PCDH11X: variants seen among roughly 807,000 people sequenced by gnomAD.
The protein encoded by PCDH11X is protocadherin 11 X-linked, also known as protocadherin-11 X-linked.
In PCDH11X, 18 loss-of-function variants were observed where a neutral mutation model predicts 53.3. That is an observed-to-expected ratio of 0.34 (90% CI 0.23 to 0.50). The LOEUF (loss-of-function observed/expected upper bound fraction) is 0.50. Among genes scored for constraint, PCDH11X ranks in the 20% least tolerant of loss-of-function variants. The pLI is 0.98. For synonymous variants in PCDH11X, 279 were observed against 393.3 expected (o/e 0.71, Z 3.44); for missense variants, 570 against 1,032.4 (o/e 0.55, Z 6.14).
intron 8 of PCDH11X, 163 bp from the exon 9 acceptor site, chrX:92,387,572 A>T: frequency 1.4e-5 from 9 of 643,234 alleles, no homozygotes; most frequent in Non-Finnish European, 1.7e-5. Flanking sequence ...GAAGGTTTGA[A>T]CACAGAATTG....
chrX:91,879,610 A>C lies in PCDH11X; in HGVS notation c.3033+337A>C, dbSNP rs1014303356. On this transcript the variant is annotated intron_variant, in intron 6 of 10. Transcript: ENST00000682573. ...CCTCAGTACCATTGTGTGCATGAGG[A>C]TCAGAATAGTCTGGGCTAGATACAT... is the stretch of plus-strand genomic sequence containing the variant. 3 of 999,079 alleles carry C rather than the reference A, an allele frequency of 3.0e-6. No individual in the cohort carries two copies. The African/African-American group carries it at 6.0e-5, about 20-fold the overall frequency. 82.3% of individuals were successfully genotyped at this position (999,079 alleles called of 1,213,427 possible).
intron 8 of PCDH11X, among the ~76,000 whole-genome samples, chrX:92,352,293 T>A (rs188621649): frequency 8.9e-6 from 1 of 111,907 alleles, no homozygotes; most frequent in Admixed American, 9.5e-5. Context: ...AGAAAACTGA[T>A]GTCAACTTAG....
At chrX:92,098,873 C>T (rs1053303297) in intron 6 of PCDH11X, among the ~76,000 whole-genome samples, 8 of 110,379 alleles carry the variant, frequency 7.2e-5, no homozygotes, top group African/African-American at 2.6e-4. Flanking sequence ...TCTCGAACTC[C>T]CAACCTCAGG....
intron 10 of PCDH11X, among the ~76,000 whole-genome samples, chrX:92,555,324 T>C (rs749848314): frequency 2.3e-4 from 26 of 112,159 alleles, no homozygotes; most frequent in African/African-American, 8.4e-4. Flanking sequence ...TCAGTACTTC[T>C]TTTAAATATG....
intron 6 of PCDH11X, among the ~76,000 whole-genome samples, chrX:91,924,869 A>AT (rs1207885756): frequency 2.7e-5 from 3 of 110,984 alleles, no homozygotes; most frequent in Admixed American, 9.7e-5. Flanking sequence ...TGCTGGAAAT[A>AT]TTTTTTTTAA....
At chrX:92,335,181 C>T (rs1036613918) in intron 8 of PCDH11X, among the ~76,000 whole-genome samples, 32 of 95,122 alleles carry the variant, frequency 3.4e-4, no homozygotes, top group South Asian at 1.2e-3. Context: ...TGCATGGAAC[C>T]ACCTTGAATC....
chrX:91,935,193 A>T (rs1214745996), intron 6 of PCDH11X, among the ~76,000 whole-genome samples: 2 of 109,691 alleles, frequency 1.8e-5, no homozygotes, highest in Non-Finnish European at 3.8e-5. Context: ...TTCAAGTTTT[A>T]AAAAAAGCAT....
chrX:91,791,476 A>T (rs1935533937), intron 1 of PCDH11X, among the ~76,000 whole-genome samples: 1 of 107,180 alleles, frequency 9.3e-6, no homozygotes, highest in African/African-American at 3.4e-5. Context: ...GTGAGAACTC[A>T]CTCACTATCA....
intron 8 of PCDH11X, among the ~76,000 whole-genome samples, chrX:92,352,659 C>A: frequency 9.0e-6 from 1 of 110,540 alleles, no homozygotes. Context: ...TGTTCAGATT[C>A]TTTTGCCTCC....
chrX:92,189,596 G>A (rs1336832454), intron 6 of PCDH11X, among the ~76,000 whole-genome samples: 1 of 111,662 alleles, frequency 9.0e-6, no homozygotes, highest in East Asian at 2.8e-4. Flanking sequence ...GGGATTGCTG[G>A]AGCAAATGGT....
Position 91,903,656 on chromosome X carries a change from CGTGT to C in PCDH11X, c.3033+24413_3033+24416del, listed in dbSNP as rs61017416. Reference sequence around the variant, plus strand: ...GACTCAGCTCAGGTTCCTCTATGTGCGTGTGTGTGTGTGTGTGTGTGTGTGTGTG... The same window carrying C: ...GACTCAGCTCAGGTTCCTCTATGTGCGTGTGTGTGTGTGTGTGTGTGTGTG... On this transcript the variant is annotated intron_variant, in intron 6 of 10. Transcript: ENST00000682573. Among the ~76,000 whole-genome samples, 167 of 93,897 alleles carry C rather than the reference CGTGT, an allele frequency of 1.8e-3. 1 individual carries two copies. Among genetic ancestry groups the C allele is most frequent in the Middle Eastern group, 0.017 (3 of 178 alleles). 81.5% of individuals were successfully genotyped at this position (93,897 alleles called of 115,157 possible). A position where few individuals can be genotyped will look rare whatever the true frequency, so the allele number is the denominator to read the frequency against.
At chrX:91,845,238 A>G (rs1194852928) in intron 5 of PCDH11X, among the ~76,000 whole-genome samples, 1 of 110,818 alleles carries the variant, frequency 9.0e-6, no homozygotes, top group Non-Finnish European at 1.9e-5. Context: ...TGAATACACA[A>G]TATAATAAGA....
intron 6 of PCDH11X, among the ~76,000 whole-genome samples, chrX:91,966,358 A>G (rs1437800469): frequency 9.0e-6 from 1 of 110,930 alleles, no homozygotes; most frequent in Admixed American, 9.6e-5. Flanking sequence ...AAATTAACTT[A>G]TTCAGAATAC....
At chrX:91,819,796 T>C (rs1371445774) in intron 4 of PCDH11X, among the ~76,000 whole-genome samples, 1 of 98,818 alleles carries the variant, frequency 1.0e-5, no homozygotes, top group African/African-American at 3.8e-5. Context: ...GCATTAGGTA[T>C]ATCTCCCAAT....
chrX:92,593,752 CT>C (rs747549988), intron 10 of PCDH11X, among the ~76,000 whole-genome samples: 2 of 110,850 alleles, frequency 1.8e-5, no homozygotes, highest in East Asian at 5.7e-4. Context: ...TACACTAATG[CT>C]GGGCAAGAAT....
chrX:92,103,001 G>C (rs759661931), intron 6 of PCDH11X, among the ~76,000 whole-genome samples: 22 of 110,936 alleles, frequency 2.0e-4, no homozygotes, highest in African/African-American at 6.9e-4. Context: ...GCCGTTGAGC[G>C]GGGTAAGGGT....
chrX:92,140,242 A>T (rs1372326650), intron 6 of PCDH11X, among the ~76,000 whole-genome samples: 2 of 111,236 alleles, frequency 1.8e-5, no homozygotes, highest in Non-Finnish European at 1.9e-5. Context: ...GTATATATTA[A>T]AAAGGAAGAG....
At chrX:92,381,132 GT>G (rs1183737585) in intron 8 of PCDH11X, among the ~76,000 whole-genome samples, 3 of 100,976 alleles carry the variant, frequency 3.0e-5, no homozygotes, top group Non-Finnish European at 6.0e-5. Context: ...TTACCACAAC[GT>G]TGCTTGCTAC....
chrX:92,373,595 A>G (rs1473390048), intron 8 of PCDH11X, among the ~76,000 whole-genome samples: 5 of 111,642 alleles, frequency 4.5e-5, no homozygotes, highest in Non-Finnish European at 9.4e-5. Flanking sequence ...TAGATTTCAG[A>G]GTAAGAAAGG....
Sources: allele counts gnomAD v4.1 joint callset (sites outside exome capture counted in the v4.1 genomes callset), GRCh38; gene constraint gnomAD v4.1.1; transcripts MANE v1.5; gene names NCBI Gene and HGNC (gene_info 2026-07-23, HGNC 2026-07-21).